The following TMEM232 variants were observed in gnomAD, a reference collection of about 807,000 sequenced individuals.
TMEM232 encodes transmembrane protein 232.
In TMEM232, 80 loss-of-function variants were observed where a neutral mutation model predicts 78.8. The ratio of observed to expected loss-of-function variants is 1.01; its 90% confidence interval spans 0.85 to 1.22. The LOEUF is 1.22. Among genes scored for constraint, TMEM232 ranks in the 50% most tolerant of loss-of-function variants. TMEM232 has a pLI of 0.00. For synonymous variants in TMEM232, 297 were observed against 254.3 expected, an observed-to-expected ratio of 1.17 and a Z score of -1.60; for missense variants, 881 against 742.2, an observed-to-expected ratio of 1.19 and a Z score of -2.17.
intron 1 of TMEM232, among the ~76,000 whole-genome samples, chr5:110,689,276 T>C (rs900623370): frequency 6.6e-6 from 1 of 152,308 alleles, no homozygotes; most frequent in East Asian, 1.9e-4. Flanking sequence ...AACAGAGTCT[T>C]GGAGTAGCCA....
chr5:110,692,013 T>A (rs187554906), intron 1 of TMEM232, among the ~76,000 whole-genome samples: 1 of 152,118 alleles, frequency 6.6e-6, no homozygotes, highest in African/African-American at 2.4e-5. Context: ...CCCCACCTCC[T>A]GGGTTCAAGC....
At chr5:110,685,687 T>A (rs116681478) in intron 1 of TMEM232, among the ~76,000 whole-genome samples, 1 of 152,086 alleles carries the variant, frequency 6.6e-6, no homozygotes, top group Non-Finnish European at 1.5e-5. Context: ...AAAAGACTTG[T>A]ACAAGAATGC....
At chr5:110,546,271 T>A (rs188275420) in intron 11 of TMEM232, among the ~76,000 whole-genome samples, 1 of 152,174 alleles carries the variant, frequency 6.6e-6, no homozygotes, top group Non-Finnish European at 1.5e-5. Context: ...GAGTAGATAA[T>A]TTAGTTAGGA....
chr5:110,634,529 C>A (rs975968718), intron 5 of TMEM232, among the ~76,000 whole-genome samples: 3 of 151,708 alleles, frequency 2.0e-5, no homozygotes, highest in African/African-American at 7.3e-5. Flanking sequence ...AACTGGAAAT[C>A]AATACCAAGA....
chr5:110,509,207 A>C (rs2149465135), intron 12 of TMEM232, among the ~76,000 whole-genome samples: 1 of 151,502 alleles, frequency 6.6e-6, no homozygotes, highest in South Asian at 2.1e-4. Context: ...AGGTGGGAGG[A>C]CCAGTTGAGG....
chr5:110,524,439 A>G (rs1043707738), intron 12 of TMEM232, among the ~76,000 whole-genome samples: 12 of 148,842 alleles, frequency 8.1e-5, no homozygotes, highest in African/African-American at 1.5e-4. Flanking sequence ...AGAAAAGAAA[A>G]GAAAGGAAAG....
At chr5:110,505,980 G>A (rs1359332899) in intron 12 of TMEM232, among the ~76,000 whole-genome samples, 1 of 152,174 alleles carries the variant, frequency 6.6e-6, no homozygotes, top group Non-Finnish European at 1.5e-5. Flanking sequence ...CTGTCCACAG[G>A]TGTGGCCCAA....
intron 12 of TMEM232, among the ~76,000 whole-genome samples, chr5:110,520,675 T>G (rs1769368903): frequency 6.6e-6 from 1 of 152,206 alleles, no homozygotes; most frequent in African/African-American, 2.4e-5. Flanking sequence ...ATCCCAGCAC[T>G]TTGGGAGGCC....
At chr5:110,408,702 A>G (rs1755883170) in intron 2 of TMEM232, among the ~76,000 whole-genome samples, 1 of 152,202 alleles carries the variant, frequency 6.6e-6, no homozygotes, top group South Asian at 2.1e-4. Flanking sequence ...GAAAAAATAG[A>G]AGACCCAAAT....
At chr5:110,657,788 G>A (rs1405571041) in intron 2 of TMEM232, among the ~76,000 whole-genome samples, 1 of 152,094 alleles carries the variant, frequency 6.6e-6, no homozygotes, top group Non-Finnish European at 1.5e-5. Context: ...GTTTAAAGTG[G>A]TGGAGATCTT....
intron 12 of TMEM232, among the ~76,000 whole-genome samples, chr5:110,428,064 C>A (rs79982981): frequency 0.019 from 2,932 of 151,884 alleles, 88 homozygotes; most frequent in African/African-American, 0.067. Context: ...CTCCATTGTG[C>A]TGTCAAATAG....
intron 12 of TMEM232, among the ~76,000 whole-genome samples, chr5:110,486,203 A>G (rs1187250780): frequency 6.6e-6 from 1 of 151,340 alleles, no homozygotes; most frequent in Non-Finnish European, 1.5e-5. Flanking sequence ...AGTTCATTGT[A>G]GATTCTGGAT....
At chr5:110,686,202 T>C (rs553084958) in intron 1 of TMEM232, among the ~76,000 whole-genome samples, 28 of 152,016 alleles carry the variant, frequency 1.8e-4, no homozygotes, top group African/African-American at 6.3e-4. Context: ...AGTGACTTAG[T>C]TGACTAACAG....
chr5:110,518,445 T>G (rs897392559), intron 12 of TMEM232, among the ~76,000 whole-genome samples: 1 of 152,164 alleles, frequency 6.6e-6, no homozygotes, highest in African/African-American at 2.4e-5. Flanking sequence ...CCCAGGCCAC[T>G]TAGAACTGAC....
chr5:110,720,102 T>C (rs1014042922), intron 1 of TMEM232, among the ~76,000 whole-genome samples: 1 of 152,112 alleles, frequency 6.6e-6, no homozygotes, highest in African/African-American at 2.4e-5. Context: ...ATAAAGTTAG[T>C]TTCTTTGGGG....
At chr5:110,619,140 T>C (rs1052151555) in intron 7 of TMEM232, among the ~76,000 whole-genome samples, 1 of 152,170 alleles carries the variant, frequency 6.6e-6, no homozygotes, top group Non-Finnish European at 1.5e-5. Flanking sequence ...TGGTAGAAAA[T>C]GATGACATAG....
At chr5:110,718,309 A>G (rs1287181958) in intron 1 of TMEM232, among the ~76,000 whole-genome samples, 1 of 152,168 alleles carries the variant, frequency 6.6e-6, no homozygotes, top group African/African-American at 2.4e-5. Flanking sequence ...CTGTATCCAT[A>G]CCAGGATTAT....
At chr5:110,449,984 T>A (rs2112816614) in intron 12 of TMEM232, among the ~76,000 whole-genome samples, 1 of 152,220 alleles carries the variant, frequency 6.6e-6, no homozygotes, top group Middle Eastern at 3.4e-3. Flanking sequence ...GTGAGGGACG[T>A]GGAGGGAGGT....
intron 2 of TMEM232, among the ~76,000 whole-genome samples, chr5:110,659,920 C>T (rs924028370): frequency 3.3e-5 from 5 of 151,684 alleles, no homozygotes; most frequent in Non-Finnish European, 5.9e-5. Context: ...AAAGATGTAA[C>T]AGATTTAATG....
Sources: gnomAD v4.1 joint callset for allele counts (sites outside exome capture counted in the v4.1 genomes callset) on GRCh38, gnomAD v4.1.1 for gene constraint, MANE v1.5 for transcripts, NCBI Gene and HGNC (gene_info 2026-07-23, HGNC 2026-07-21) for gene names.